Variants in HEATR5B observed in about 807,000 individuals in gnomAD.
The protein encoded by HEATR5B is HEAT repeat-containing protein 5B.
HEATR5B carries 156 observed loss-of-function variants against 224.1 expected under a neutral mutation model. The observed-to-expected ratio is 0.70, with a 90% CI of 0.61 to 0.80. HEATR5B has a LOEUF of 0.80. HEATR5B is among the 30% of genes least tolerant of loss of function. The pLI is 0.00. For missense variants in HEATR5B, 2,323 were observed against 2,535.5 expected (o/e 0.92, Z 1.80); for synonymous variants, 1,027 against 893.0 (o/e 1.15, Z -2.68).
intron 15 of HEATR5B, 23 bp from the exon 16 acceptor site, chr2:37,056,638 T>C: frequency 6.4e-7 from 1 of 1,562,858 alleles, no homozygotes; most frequent in Non-Finnish European, 8.7e-7. Flanking sequence ...GAAATAAAAA[T>C]TATTCAAAAT....
intron 16 of HEATR5B, 122 bp from the exon 17 acceptor site, chr2:37,053,729 TA>T (rs1211706646): frequency 3.5e-6 from 2 of 566,108 alleles, no homozygotes; most frequent in Non-Finnish European, 6.4e-6. Context: ...ATCTCTTTTC[TA>T]TTTCATTCCC....
chr2:37,038,024 C>G lies in HEATR5B; in HGVS notation c.3047G>C (p.Gly1016Ala), dbSNP rs1450787119. 1.3e-6 allele frequency: 2 copies of G among 1,491,688 alleles called. No individual in the cohort carries two copies. The highest frequency in any genetic ancestry group is 2.8e-5 in the African/African-American group (2 of 71,128). The allele number at this position is 1,491,688 out of a possible 1,614,324, so 92.4% of individuals were successfully genotyped here. ...AATTGTAGAAGTTGTTGCTCCATTCCCTGGTGCAAAATGAAAGAAAATATA... is the reference window on the plus strand; with the variant it reads ...AATTGTAGAAGTTGTTGCTCCATTCGCTGGTGCAAAATGAAAGAAAATATA... ...IITTVGPELQ[G>A]NGATTSTIRS... The change falls in exon 21 of 36, where the codon GGG (glycine) becomes GCG (alanine). Residue 1016 changes from glycine (G) to alanine (A), a missense_variant and splice_region_variant. Around this residue, in one of 12 missense-constraint regions of HEATR5B, gnomAD observed 88 missense variants for 86.8 expected, o/e 1.01. Coordinates refer to ENST00000233099, the MANE Select transcript of HEATR5B (RefSeq NM_019024.3).
intron 26 of HEATR5B, among the ~76,000 whole-genome samples, chr2:37,018,442 G>C (rs992789101): frequency 6.6e-6 from 1 of 152,102 alleles, no homozygotes; most frequent in East Asian, 1.9e-4. Flanking sequence ...TTTGCATCAC[G>C]ATCCAGAGAC....
At chr2:37,046,107 T>A (rs1028609023) in intron 18 of HEATR5B, among the ~76,000 whole-genome samples, 1 of 152,136 alleles carries the variant, frequency 6.6e-6, no homozygotes, top group South Asian at 2.1e-4. Context: ...TTTTGAACAA[T>A]GGAAAGGATC....
At chr2:36,984,755 G>C (rs544894639) in intron 35 of HEATR5B, among the ~76,000 whole-genome samples, 3 of 152,304 alleles carry the variant, frequency 2.0e-5, no homozygotes, top group Non-Finnish European at 4.4e-5. Context: ...ACTTGATGCT[G>C]TAAGGAAAGA....
chr2:36,987,101 C>T (rs566153473), intron 35 of HEATR5B, among the ~76,000 whole-genome samples: 10 of 152,228 alleles, frequency 6.6e-5, no homozygotes, highest in African/African-American at 2.4e-4. Context: ...TCATTTCACT[C>T]TTAGGAATCT....
intron 33 of HEATR5B, among the ~76,000 whole-genome samples, chr2:36,993,169 A>G (rs926303769): frequency 2.0e-5 from 3 of 152,098 alleles, no homozygotes; most frequent in African/African-American, 7.2e-5. Context: ...TTGGGGCTAG[A>G]AAGTATGGAA....
intron 18 of HEATR5B, among the ~76,000 whole-genome samples, chr2:37,044,776 C>A (rs1210258862): frequency 1.3e-5 from 2 of 152,180 alleles, no homozygotes; most frequent in Non-Finnish European, 2.9e-5. Flanking sequence ...CAATTATATG[C>A]ATGTTACACA....
In HEATR5B at chr2:36,981,143, G is replaced by A. The variant is rs1369770145; in HGVS notation, c.*347C>T. 5.6e-6 allele frequency: 1 copy of A among 179,348 alleles called. No homozygotes were observed. Among genetic ancestry groups the A allele is most frequent in the Non-Finnish European group, 1.1e-5 (1 of 87,082 alleles). 11.1% of individuals were successfully genotyped at this position (179,348 alleles called of 1,614,324 possible). A position where few individuals can be genotyped will look rare whatever the true frequency, so the allele number is the denominator to read the frequency against. ...TTTTTCATGACAGATGCTGAGTTCT[G>A]ACCCATTTTTTTCCCCTGACAGTAT... On this transcript the variant is annotated 3_prime_UTR_variant, in exon 36 of 36. Coordinates refer to ENST00000233099, the MANE Select transcript of HEATR5B (RefSeq NM_019024.3).
intron 35 of HEATR5B, among the ~76,000 whole-genome samples, chr2:36,987,371 G>A (rs564387979): frequency 6.6e-6 from 1 of 151,448 alleles, no homozygotes; most frequent in Non-Finnish European, 1.5e-5. Context: ...GGAGGTTGCG[G>A]TGAGCCAAGA....
chr2:37,052,477 A>T (rs970402415), intron 17 of HEATR5B, among the ~76,000 whole-genome samples: 3 of 152,234 alleles, frequency 2.0e-5, no homozygotes, highest in Admixed American at 1.3e-4. Context: ...CAAAACTAAC[A>T]CAAATTCCTT....
Position 37,000,636 on chromosome 2 carries a change from G to A in HEATR5B, c.5495C>T (p.Thr1832Ile), listed in dbSNP as rs1199051915. 2 of 1,614,214 alleles carry A rather than the reference G, an allele frequency of 1.2e-6. No homozygotes were observed. The highest frequency in any genetic ancestry group is 1.7e-6 in the Non-Finnish European group (2 of 1,180,036). Residue 1832 changes from threonine to isoleucine, a missense_variant, in exon 33 of 36, where the codon ACA (threonine) becomes ATA (isoleucine). Around this residue, in one of 12 missense-constraint regions of HEATR5B, gnomAD observed 844 missense variants for 812.9 expected, o/e 1.04. Coordinates refer to ENST00000233099, the MANE Select transcript of HEATR5B (RefSeq NM_019024.3). ...KTEAGVQKQW[T>I]ALIRSTLACI... ...AGCAAGCGTGCTACGAATCAGAGCT[G>A]TCCACTGTTTTTGAACGCCAGCCTC...
intron 26 of HEATR5B, among the ~76,000 whole-genome samples, chr2:37,014,582 A>G (rs1667996488): frequency 1.3e-5 from 2 of 152,056 alleles, no homozygotes; most frequent in Admixed American, 1.3e-4. Flanking sequence ...AACAGAAATA[A>G]TTTTCCACCC....
In HEATR5B at chr2:37,058,835, T is replaced by C. The variant is rs550833142; in HGVS notation, c.1949+53A>G. 25 of 1,066,606 alleles carry C rather than the reference T, an allele frequency of 2.3e-5. No individual in the cohort carries two copies. The African/African-American group carries it at 3.7e-4, about 16-fold the overall frequency. The allele number at this position is 1,066,606 out of a possible 1,614,324, so 66.1% of individuals were successfully genotyped here. A position where few individuals can be genotyped will look rare whatever the true frequency, so the allele number is the denominator to read the frequency against. On this transcript the variant is annotated intron_variant, in intron 13 of 35. Coordinates refer to ENST00000233099, the MANE Select transcript of HEATR5B (RefSeq NM_019024.3). Reference sequence around the variant, plus strand: ...GAAAGCACAAAATATGGCTGAGAAGTATATTATTAATATATAAAATAGGAT... The same window carrying C: ...GAAAGCACAAAATATGGCTGAGAAGCATATTATTAATATATAAAATAGGAT...
At chr2:37,021,413 C>T (rs1028487938) in intron 24 of HEATR5B, among the ~76,000 whole-genome samples, 2 of 152,212 alleles carry the variant, frequency 1.3e-5, no homozygotes, top group African/African-American at 2.4e-5. Flanking sequence ...TACATATCCC[C>T]CACTAAGAAC....
At chr2:37,044,716 T>A (rs1283500645) in intron 18 of HEATR5B, among the ~76,000 whole-genome samples, 2 of 152,216 alleles carry the variant, frequency 1.3e-5, no homozygotes, top group African/African-American at 4.8e-5. Context: ...ACATTTTGCA[T>A]TTCTACTGGC....
intron 26 of HEATR5B, among the ~76,000 whole-genome samples, chr2:37,018,206 G>C (rs1448569913): frequency 2.6e-5 from 4 of 151,780 alleles, no homozygotes; most frequent in African/African-American, 9.7e-5. Flanking sequence ...AAAAAAAAAT[G>C]CAACTAGGGC....
intron 29 of HEATR5B, among the ~76,000 whole-genome samples, chr2:37,006,352 A>G (rs1274678906): frequency 6.6e-6 from 1 of 152,228 alleles, no homozygotes. Flanking sequence ...TTAAATGTTA[A>G]AAAAGCATCT....
intron 33 of HEATR5B, among the ~76,000 whole-genome samples, chr2:36,995,982 C>G (rs1319618527): frequency 6.6e-6 from 1 of 151,182 alleles, no homozygotes. Flanking sequence ...GCCTCCTGGG[C>G]TCAAGTGATC....
Sources: allele counts gnomAD v4.1 joint callset (sites outside exome capture counted in the v4.1 genomes callset), GRCh38; gene constraint gnomAD v4.1.1; regional missense constraint gnomAD v4.1.1; transcripts MANE v1.5; gene names NCBI Gene and HGNC (gene_info 2026-07-23, HGNC 2026-07-21).